The following DCDC1 variants were observed in gnomAD, a reference collection of about 807,000 sequenced individuals.
The protein encoded by DCDC1 is doublecortin domain-containing protein 1.
Under a neutral mutation model 178.3 loss-of-function variants are expected in DCDC1, and 200 were observed. The ratio of observed to expected loss-of-function variants is 1.12; its 90% CI spans 1.00 to 1.26. The LOEUF is 1.26. DCDC1 is among the 50% of genes most tolerant of loss of function. The probability of loss-of-function intolerance (pLI) is 0.00; values close to 1 mark genes in which losing one functional copy is unlikely to be tolerated. For missense variants in DCDC1, 1,983 were observed against 1,749.2 expected (o/e 1.13, Z -2.38); for synonymous variants, 690 against 604.8 (o/e 1.14, Z -2.07).
At chr11:31,025,449 T>C (rs770059507) in intron 20 of DCDC1, among the ~76,000 whole-genome samples, 4 of 151,700 alleles carry the variant, frequency 2.6e-5, no homozygotes, top group Non-Finnish European at 5.9e-5. Flanking sequence ...AAAAACACTA[T>C]GAAATAAAAG....
At chr11:31,064,326 A>G in intron 20 of DCDC1, 143 bp downstream of exon 20, 1 of 591,346 alleles carries the variant, frequency 1.7e-6, no homozygotes, top group Non-Finnish European at 3.0e-6. Flanking sequence ...TCTTCATCAA[A>G]TGTGACCCAA....
chr11:30,987,475 A>G (rs949936957), intron 20 of DCDC1, among the ~76,000 whole-genome samples: 1 of 152,226 alleles, frequency 6.6e-6, no homozygotes, highest in African/African-American at 2.4e-5. Flanking sequence ...CTTATAATTA[A>G]TAAACAAATA....
rs181890452 is a variant in DCDC1 at position 30,879,096 on chromosome 11, A to C, written c.5234-385T>G. ...GGTTTGTGTGAAAGAAGCCATTCTAATAGCTTCTGGTTTGTTTTGCAAAAT... is the reference window on the plus strand; with the variant it reads ...GGTTTGTGTGAAAGAAGCCATTCTACTAGCTTCTGGTTTGTTTTGCAAAAT... On this transcript the variant is annotated intron_variant, in intron 37 of 38. Transcript: ENST00000684477. 2.6e-5 allele frequency among the ~76,000 whole-genome samples: 4 copies of C among 152,306 alleles called. No individual in the cohort carries two copies. In the East Asian group the frequency reaches 7.7e-4, roughly 29 times the overall value.
chr11:31,351,490 T>C (rs1951067924), intron 1 of DCDC1, among the ~76,000 whole-genome samples: 1 of 152,148 alleles, frequency 6.6e-6, no homozygotes, highest in African/African-American at 2.4e-5. Context: ...TAGCAGGAGA[T>C]ACATGTAATT....
chr11:31,028,504 A>G (rs1222757133), intron 20 of DCDC1, among the ~76,000 whole-genome samples: 1 of 151,938 alleles, frequency 6.6e-6, no homozygotes, highest in Admixed American at 6.6e-5. Flanking sequence ...TATAGTAATT[A>G]TTTAGTAGCC....
intron 10 of DCDC1, among the ~76,000 whole-genome samples, chr11:31,131,214 T>A (rs1194878356): frequency 5.4e-4 from 72 of 133,508 alleles, no homozygotes; most frequent in African/African-American, 9.2e-4. Flanking sequence ...GAAAACAAAA[T>A]TAATGAAAAG....
At chr11:30,918,076 A>C (rs1945984588) in intron 25 of DCDC1, among the ~76,000 whole-genome samples, 1 of 152,174 alleles carries the variant, frequency 6.6e-6, no homozygotes, top group Non-Finnish European at 1.5e-5. Flanking sequence ...TCTTGTGTTA[A>C]AAATAAAACG....
intron 3 of DCDC1, among the ~76,000 whole-genome samples, chr11:31,326,205 C>T (rs1949634985): frequency 6.6e-6 from 1 of 151,686 alleles, no homozygotes; most frequent in African/African-American, 2.4e-5. Flanking sequence ...CACATTGAAA[C>T]AAAAACTAGA....
At chr11:30,918,339 GT>G (rs1288876468) in intron 25 of DCDC1, among the ~76,000 whole-genome samples, 6 of 152,204 alleles carry the variant, frequency 3.9e-5, no homozygotes, top group African/African-American at 4.8e-5. Context: ...CAAACCATTC[GT>G]TAGTTATTCA....
At chr11:31,354,117 C>T (rs988158805) in intron 1 of DCDC1, among the ~76,000 whole-genome samples, 3 of 152,078 alleles carry the variant, frequency 2.0e-5, no homozygotes, top group Non-Finnish European at 4.4e-5. Context: ...GAAATCCTGT[C>T]TCTACTAAAA....
At chr11:30,930,040 C>T (rs771429146) in intron 22 of DCDC1, among the ~76,000 whole-genome samples, 4 of 152,064 alleles carry the variant, frequency 2.6e-5, no homozygotes, top group Non-Finnish European at 5.9e-5. Flanking sequence ...TAAAGTATAT[C>T]TATATTTCAT....
At chr11:30,955,444 T>C (rs1247749978) in intron 20 of DCDC1, among the ~76,000 whole-genome samples, 1 of 152,210 alleles carries the variant, frequency 6.6e-6, no homozygotes, top group Non-Finnish European at 1.5e-5. Context: ...CATCTTTTCA[T>C]TATCTGAGTA....
At chr11:31,280,215 A>G (rs796144575) in intron 7 of DCDC1, among the ~76,000 whole-genome samples, 3 of 152,296 alleles carry the variant, frequency 2.0e-5, no homozygotes, top group African/African-American at 7.2e-5. Flanking sequence ...TACCTTATTT[A>G]TCTTCAACCC....
At position 30,917,038 on chromosome 11, in the gene DCDC1, T is replaced by C; in HGVS notation, c.3294-10A>G. 3 of 1,580,678 alleles carry C rather than the reference T, an allele frequency of 1.9e-6. No individual in the cohort carries two copies. Among genetic ancestry groups the C allele is most frequent in the Non-Finnish European group, 2.6e-6 (3 of 1,167,456 alleles). On this transcript the variant is annotated splice_polypyrimidine_tract_variant and intron_variant, in intron 25 of 38. Coordinates refer to ENST00000684477, the MANE Select transcript of DCDC1 (RefSeq NM_001387274.1). Reference sequence around the variant, plus strand: ...TCTTACGTGTGAATCTCTATCAAGGTTCAGAAGCAAACATAAGTCTAAGAA... The same window carrying C: ...TCTTACGTGTGAATCTCTATCAAGGCTCAGAAGCAAACATAAGTCTAAGAA...
At chr11:31,225,748 T>C (rs1340036524) in intron 9 of DCDC1, among the ~76,000 whole-genome samples, 13 of 151,144 alleles carry the variant, frequency 8.6e-5, no homozygotes, top group Non-Finnish European at 1.8e-4. Context: ...CATATAGATA[T>C]AGATATGCTT....
At chr11:30,944,329 T>C (rs1438147835) in intron 21 of DCDC1, 1 of 456,838 alleles carries the variant, frequency 2.2e-6, no homozygotes, top group South Asian at 1.5e-5. Flanking sequence ...TTCCTTGCTC[T>C]GTCTGCATTG....
rs1294112418 is a variant in DCDC1 at position 31,131,131 on chromosome 11, G to A, written c.1315-3492C>T. 1.5e-4 allele frequency among the ~76,000 whole-genome samples: 4 copies of A among 27,332 alleles called. 2 individuals carry two copies. Among genetic ancestry groups the A allele is most frequent in the South Asian group, 3.6e-3 (2 of 550 alleles). 17.9% of individuals were successfully genotyped at this position (27,332 alleles called of 152,430 possible). A position where few individuals can be genotyped will look rare whatever the true frequency, so the allele number is the denominator to read the frequency against. On this transcript the variant is annotated intron_variant, in intron 10 of 38. Coordinates refer to ENST00000684477, the MANE Select transcript of DCDC1 (RefSeq NM_001387274.1). ...TGGGAAGCGGAGCTTGCAGTGAGCC[G>A]AGATTGCGCCACTGCAGTCCGCAGT...
chr11:31,329,477 CA>C (rs772359614), intron 2 of DCDC1, among the ~76,000 whole-genome samples: 2 of 151,968 alleles, frequency 1.3e-5, no homozygotes, highest in Non-Finnish European at 2.9e-5. Flanking sequence ...ACACATGTGC[CA>C]TGTTGGTTTG....
rs371744511 is a variant in DCDC1 at position 30,967,413 on chromosome 11, G to A, written c.2592-14845C>T. On this transcript the variant is annotated intron_variant, in intron 20 of 38. Coordinates refer to ENST00000684477, the MANE Select transcript of DCDC1 (RefSeq NM_001387274.1). Reference sequence around the variant, plus strand: ...GATTGTTTATCTAGAAAACCCCATCGTCTCAGCCCAAAATCTCCTTAAGCT... The same window carrying A: ...GATTGTTTATCTAGAAAACCCCATCATCTCAGCCCAAAATCTCCTTAAGCT... Among the ~76,000 whole-genome samples the A allele has an allele frequency of 8.5e-5, 13 of 152,170 alleles. No homozygotes were observed. In the South Asian group the frequency reaches 1.0e-3, roughly 12 times the overall value.
Sources: allele counts gnomAD v4.1 joint callset (sites outside exome capture counted in the v4.1 genomes callset), GRCh38; gene constraint gnomAD v4.1.1; transcripts MANE v1.5; gene names NCBI Gene and HGNC (gene_info 2026-07-23, HGNC 2026-07-21).